FAM120A: variants seen among roughly 807,000 people sequenced by gnomAD.
FAM120A encodes the protein family with sequence similarity 120 member A.
In FAM120A, 15 loss-of-function variants were observed where a neutral mutation model predicts 109.7. The observed-to-expected ratio is 0.14, with a 90% CI of 0.09 to 0.21. The LOEUF (loss-of-function observed/expected upper bound fraction) is 0.21, where lower values mean the gene tolerates loss of function less well. FAM120A is among the 10% of genes least tolerant of loss of function. The pLI, the probability that FAM120A is intolerant of heterozygous loss-of-function variation, is 1.00. For missense variants in FAM120A, 899 were observed against 1,439.3 expected, an observed-to-expected ratio of 0.62 and a Z score of 6.07; for synonymous variants, 493 against 572.8, an observed-to-expected ratio of 0.86 and a Z score of 1.99.
chr9:93,562,336 C>A (rs775511012), intron 17 of FAM120A, 32 bp downstream of exon 17: 1 of 1,538,004 alleles, frequency 6.5e-7, no homozygotes, highest in Non-Finnish European at 9.0e-7. Flanking sequence ...TGTGCCAGTT[C>A]AATGCCCTCA....
intron 1 of FAM120A, among the ~76,000 whole-genome samples, chr9:93,462,285 A>G (rs1195609212): frequency 2.0e-5 from 3 of 152,162 alleles, no homozygotes; most frequent in South Asian, 2.1e-4. Flanking sequence ...GGCATTAAGT[A>G]TATATATTTT....
chr9:93,510,803 T>C (rs1311387063), intron 5 of FAM120A, among the ~76,000 whole-genome samples: 1 of 151,804 alleles, frequency 6.6e-6, no homozygotes, highest in Non-Finnish European at 1.5e-5. Flanking sequence ...GCTCAGTCAG[T>C]ACAAGTATTC....
At chr9:93,492,000 G>A (rs548405949) in intron 3 of FAM120A, among the ~76,000 whole-genome samples, 120 of 152,258 alleles carry the variant, frequency 7.9e-4, no homozygotes, top group African/African-American at 2.7e-3. Context: ...ACCCTCCTGC[G>A]TAGTTACTGC....
At position 93,562,665 on chromosome 9, in the gene FAM120A, C is replaced by CTT. The variant is rs535421624; in HGVS notation, c.3045+377_3045+378dup. Among the ~76,000 whole-genome samples the CTT allele has an allele frequency of 1.3e-3, 177 of 134,950 alleles. 1 individual carries two copies. The highest frequency in any genetic ancestry group is 2.6e-3 in the African/African-American group (93 of 35,848). The allele number at this position is 134,950 out of a possible 152,430, so 88.5% of individuals were successfully genotyped here. ...TCTTTTTTTTTCTTTCTTTCTTTTTCTTTTTTTTTTTTTTTTTGAGATGGA... is the reference window on the plus strand; with the variant it reads ...TCTTTTTTTTTCTTTCTTTCTTTTTCTTTTTTTTTTTTTTTTTTTGAGATGGA... On this transcript the variant is annotated intron_variant, in intron 17 of 17. Coordinates refer to ENST00000277165, the MANE Select transcript of FAM120A (RefSeq NM_014612.5).
intron 5 of FAM120A, among the ~76,000 whole-genome samples, chr9:93,511,895 C>G (rs10118955): frequency 6.6e-6 from 1 of 152,146 alleles, no homozygotes; most frequent in African/African-American, 2.4e-5. Context: ...AGGGTTCAAG[C>G]GATTTTCAGC....
chr9:93,477,742 G>A (rs1158489657), intron 3 of FAM120A, among the ~76,000 whole-genome samples: 3 of 152,186 alleles, frequency 2.0e-5, no homozygotes, highest in Non-Finnish European at 4.4e-5. Flanking sequence ...GGCTATATGT[G>A]TATGTCTAAG....
intron 3 of FAM120A, among the ~76,000 whole-genome samples, chr9:93,487,075 CAG>C (rs1252269359): frequency 2.0e-5 from 3 of 152,092 alleles, no homozygotes; most frequent in African/African-American, 7.2e-5. Context: ...TCATCATTTT[CAG>C]ACCTTCTTTG....
At chr9:93,495,676 G>A (rs1859545420) in intron 3 of FAM120A, among the ~76,000 whole-genome samples, 1 of 152,218 alleles carries the variant, frequency 6.6e-6, no homozygotes, top group South Asian at 2.1e-4. Flanking sequence ...TCTACAGCGA[G>A]TTGGAATCAT....
chr9:93,527,030 C>A, intron 7 of FAM120A, 125 bp from the exon 8 acceptor site: 1 of 699,452 alleles, frequency 1.4e-6, no homozygotes, highest in Non-Finnish European at 2.5e-6. Flanking sequence ...AGTTATTTCT[C>A]GATGTTGTGT....
intron 11 of FAM120A, among the ~76,000 whole-genome samples, chr9:93,548,904 G>A (rs1306614771): frequency 2.0e-5 from 3 of 152,058 alleles, no homozygotes; most frequent in Admixed American, 1.3e-4. Context: ...TTAGCCAGGT[G>A]GGGTGGCGTG....
intron 11 of FAM120A, among the ~76,000 whole-genome samples, chr9:93,545,888 T>A (rs1305945698): frequency 6.8e-6 from 1 of 147,874 alleles, no homozygotes; most frequent in Non-Finnish European, 1.5e-5. Flanking sequence ...TGGGTTCAAG[T>A]GATTCTCCTG....
chr9:93,454,198 A>G lies in FAM120A; in HGVS notation c.474+1809A>G, dbSNP rs150634813. Among the ~76,000 whole-genome samples, 20 of 152,292 alleles carry G rather than the reference A, an allele frequency of 1.3e-4. No homozygotes were observed. In the East Asian group the frequency reaches 3.7e-3, roughly 28 times the overall value. ...GTTTCTGGACACGGGATAATGGGAT[A>G]ATTTTGTCTGTATTTTGCTTTTGCT... On this transcript the variant is annotated intron_variant, in intron 1 of 17. Transcript: ENST00000277165.
chr9:93,543,123 G>C, intron 10 of FAM120A, 99 bp from the exon 11 acceptor site: 1 of 1,449,928 alleles, frequency 6.9e-7, no homozygotes, highest in Non-Finnish European at 9.3e-7. Context: ...CCTGAGAGGC[G>C]AATCTTTAGA....
In FAM120A at chr9:93,558,645, T is replaced by C; in HGVS notation, c.2733T>C (p.Arg911=). The C allele has an allele frequency of 6.2e-7, 1 of 1,614,164 alleles. No homozygotes were observed. Among genetic ancestry groups the C allele is most frequent in the Non-Finnish European group, 8.5e-7 (1 of 1,180,016 alleles). ...TVATGPYRAF[R]VAAASGHCGA... is the part of the protein sequence containing the mutation. ...CAACAGGCCCTTACCGTGCCTTCCG[T>C]GTGGCGGCAGCATCGGGACACTGCG... The change falls in exon 15 of 18, where the codon CGT becomes CGC. Residue 911 remains arginine, a synonymous_variant. Coordinates refer to ENST00000277165, the MANE Select transcript of FAM120A (RefSeq NM_014612.5).
At chr9:93,487,849 A>G (rs78814191) in intron 3 of FAM120A, among the ~76,000 whole-genome samples, 1 of 152,230 alleles carries the variant, frequency 6.6e-6, no homozygotes, top group African/African-American at 2.4e-5. Flanking sequence ...GATTTAAAAA[A>G]TGCTGGTGTC....
chr9:93,482,585 T>C (rs1308340964), intron 3 of FAM120A, among the ~76,000 whole-genome samples: 3 of 152,186 alleles, frequency 2.0e-5, no homozygotes, highest in Admixed American at 2.0e-4. Context: ...TTTTAAAACA[T>C]GTCCTTTAGG....
intron 9 of FAM120A, chr9:93,529,942 A>G (rs1301312890): frequency 2.1e-6 from 1 of 485,128 alleles, no homozygotes; most frequent in East Asian, 3.6e-5. Flanking sequence ...TTCTGATGTC[A>G]GATACAATAT....
Position 93,528,360 on chromosome 9 carries a change from A to C in FAM120A, c.1507-993A>C, listed in dbSNP as rs542714368. On this transcript the variant is annotated intron_variant, in intron 8 of 17. Coordinates refer to ENST00000277165, the MANE Select transcript of FAM120A (RefSeq NM_014612.5). ...GTATACTTTGTTTCAAAACAGAAAA[A>C]TGTATATGTCTTTAGGGTGGCATTA... 7.2e-5 allele frequency among the ~76,000 whole-genome samples: 11 copies of C among 152,368 alleles called. No homozygotes were observed. In the East Asian group the frequency reaches 2.1e-3, roughly 29 times the overall value.
At chr9:93,529,300 A>T in intron 8 of FAM120A, 53 bp from the exon 9 acceptor site, 1 of 1,472,388 alleles carries the variant, frequency 6.8e-7, no homozygotes, top group Non-Finnish European at 9.2e-7. Context: ...ACTTTAAATG[A>T]ATGAAAACAT....
Sources: gnomAD v4.1 joint callset for allele counts (sites outside exome capture counted in the v4.1 genomes callset) on GRCh38, gnomAD v4.1.1 for gene constraint, MANE v1.5 for transcripts, NCBI Gene and HGNC (gene_info 2026-07-23, HGNC 2026-07-21) for gene names.